Variants in PPP2R1B observed in about 807,000 individuals in gnomAD.
The protein encoded by PPP2R1B is serine/threonine-protein phosphatase 2A 65 kDa regulatory subunit A beta isoform.
PPP2R1B carries 58 observed loss-of-function variants against 72.7 expected under a neutral mutation model. The ratio of observed to expected loss-of-function variants is 0.80; its 90% CI spans 0.65 to 0.99. PPP2R1B has a LOEUF of 0.99. Ranked by LOEUF, PPP2R1B falls within the 50% of genes least tolerant of loss-of-function variation. PPP2R1B has a pLI of 0.00. For synonymous variants in PPP2R1B, 256 were observed against 264.6 expected, an observed-to-expected ratio of 0.97 and a Z score of 0.32; for missense variants, 695 against 733.6, an observed-to-expected ratio of 0.95 and a Z score of 0.61.
At chr11:111,700,856 T>G in the PPP2R1B span, 1 of 1,612,256 alleles carries the variant, frequency 6.2e-7, no homozygotes, top group Admixed American at 1.7e-5. Context: ...AGAGCATAGA[T>G]GAAAATAACA....
chr11:111,726,594 A>C (rs1353502961), downstream of PPP2R1B: 3 of 227,332 alleles, frequency 1.3e-5, no homozygotes, highest in Non-Finnish European at 2.6e-5. Flanking sequence ...GCTGCTGAGG[A>C]GACTGGTTCT....
intron 3 of PPP2R1B, 57 bp downstream of exon 3, chr11:111,764,746 ATG>A: frequency 6.5e-7 from 1 of 1,536,486 alleles, no homozygotes; most frequent in South Asian, 1.1e-5. Context: ...TCACCAAACA[ATG>A]TATCATTTAT....
At chr11:111,731,643 C>T (rs1017340262) in intron 15 of PPP2R1B, among the ~76,000 whole-genome samples, 1 of 152,196 alleles carries the variant, frequency 6.6e-6, no homozygotes, top group South Asian at 2.1e-4. Context: ...CGGGGTGAGC[C>T]GCTGGTCTCT....
At chr11:111,734,231 C>T (rs1022322562), downstream of PPP2R1B, among the ~76,000 whole-genome samples, 1 of 152,240 alleles carries the variant, frequency 6.6e-6, no homozygotes, top group African/African-American at 2.4e-5. Flanking sequence ...AAAATGGCTG[C>T]TTCTTGCCTG....
At chr11:111,697,573 G>A in the PPP2R1B span, among the ~76,000 whole-genome samples, 1 of 152,068 alleles carries the variant, frequency 6.6e-6, no homozygotes, top group Admixed American at 6.5e-5. Context: ...TTCAAATGAG[G>A]AAACCAAGGC....
At chr11:111,699,846 T>G in the PPP2R1B span, among the ~76,000 whole-genome samples, 1 of 152,294 alleles carries the variant, frequency 6.6e-6, no homozygotes, top group South Asian at 2.1e-4. Context: ...TGATCCAAAG[T>G]CACAAATCCA....
chr11:111,766,007 G>A, intron 1 of PPP2R1B: 1 of 585,086 alleles, frequency 1.7e-6, no homozygotes, highest in South Asian at 1.7e-5. Flanking sequence ...CGCCCGGGAA[G>A]GGCAAGGCTC....
chr11:111,747,845 C>A, intron 11 of PPP2R1B, 109 bp downstream of exon 11: 2 of 994,724 alleles, frequency 2.0e-6, no homozygotes, highest in Admixed American at 2.9e-5. Context: ...TTCTTCATTC[C>A]TACAATATTA....
intron 15 of PPP2R1B, chr11:111,729,353 G>T (rs978679671): frequency 6.6e-6 from 1 of 152,184 alleles, no homozygotes; most frequent in Admixed American, 6.5e-5. Context: ...TACTCTGCTC[G>T]CCCACCCACA....
chr11:111,721,917 C>G, downstream of PPP2R1B: 1 of 1,610,240 alleles, frequency 6.2e-7, no homozygotes, highest in Non-Finnish European at 8.5e-7. Flanking sequence ...CCTGGAGACC[C>G]AGTACCTGCA....
chr11:111,757,315 G>C (rs1309461947), intron 5 of PPP2R1B, among the ~76,000 whole-genome samples: 1 of 152,136 alleles, frequency 6.6e-6, no homozygotes, highest in African/African-American at 2.4e-5. Context: ...ACATAACAGT[G>C]ACTCCAACTT....
the PPP2R1B span, among the ~76,000 whole-genome samples, chr11:111,692,064 G>A: frequency 6.6e-6 from 1 of 151,956 alleles, no homozygotes; most frequent in African/African-American, 2.4e-5. Context: ...AAAGAAAGAG[G>A]GAGAGGCCAG....
chr11:111,740,810 C>A lies in PPP2R1B; in HGVS notation c.*786G>T. On this transcript the variant is annotated 3_prime_UTR_variant, in exon 15 of 15. Coordinates refer to ENST00000527614, the MANE Select transcript of PPP2R1B (RefSeq NM_002716.5). ...CTCATTCGAAATACAGAACTGCAAT[C>A]TCACAATGAAACAAACATACTGCTT... 1.0e-6 allele frequency: 1 copy of A among 985,348 alleles called. No individual in the cohort carries two copies. The highest frequency in any genetic ancestry group is 1.2e-6 in the Non-Finnish European group (1 of 829,846). The allele number at this position is 985,348 out of a possible 1,614,324, so 61.0% of individuals were successfully genotyped here. A position where few individuals can be genotyped will look rare whatever the true frequency, so the allele number is the denominator to read the frequency against.
chr11:111,735,100 G>C (rs1328834772), downstream of PPP2R1B, among the ~76,000 whole-genome samples: 1 of 152,240 alleles, frequency 6.6e-6, no homozygotes, highest in Non-Finnish European at 1.5e-5. Context: ...AACAAGAGTA[G>C]AAGGGGCATG....
At chr11:111,696,480 A>C in the PPP2R1B span, among the ~76,000 whole-genome samples, 1 of 152,254 alleles carries the variant, frequency 6.6e-6, no homozygotes, top group African/African-American at 2.4e-5. Context: ...AAATGAAGCC[A>C]CGTGGCATGG....
the PPP2R1B span, among the ~76,000 whole-genome samples, chr11:111,716,226 G>A: frequency 0.44 from 67,170 of 152,106 alleles, 16,955 homozygotes; most frequent in East Asian, 0.65. Flanking sequence ...GAGGTGTTTC[G>A]TGTCTACTTA....
chr11:111,750,130 A>G (rs782136332), intron 10 of PPP2R1B, among the ~76,000 whole-genome samples: 2 of 152,232 alleles, frequency 1.3e-5, no homozygotes, highest in Non-Finnish European at 2.9e-5. Context: ...AGAATCGGAC[A>G]CTTTCAATTT....
downstream of PPP2R1B, among the ~76,000 whole-genome samples, chr11:111,733,504 G>A (rs923942888): frequency 1.3e-5 from 2 of 152,130 alleles, no homozygotes; most frequent in Non-Finnish European, 2.9e-5. Context: ...AGGTCGGCTG[G>A]GACAGTTCTG....
chr11:111,747,397 C>A (rs1482940536), intron 11 of PPP2R1B, among the ~76,000 whole-genome samples: 1 of 152,242 alleles, frequency 6.6e-6, no homozygotes, highest in African/African-American at 2.4e-5. Context: ...AGCACTGTAG[C>A]AGCAGCAGTG....
Sources: allele counts gnomAD v4.1 joint callset (sites outside exome capture counted in the v4.1 genomes callset), GRCh38; gene constraint gnomAD v4.1.1; transcripts MANE v1.5; gene names NCBI Gene and HGNC (gene_info 2026-07-23, HGNC 2026-07-21).